MAPK8IP1: variants seen among roughly 807,000 people sequenced by gnomAD.
MAPK8IP1 encodes the protein mitogen-activated protein kinase 8 interacting protein 1.
A neutral mutation model predicts 72.6 loss-of-function variants in MAPK8IP1; 17 were observed. That is an observed-to-expected ratio of 0.23 (90% CI 0.16 to 0.35). The LOEUF is 0.35. Among genes scored for constraint, MAPK8IP1 ranks in the 10% least tolerant of loss-of-function variants. The probability of loss-of-function intolerance (pLI) is 1.00; values close to 1 mark genes in which losing one functional copy is unlikely to be tolerated. For synonymous variants in MAPK8IP1, 401 were observed against 443.4 expected, an observed-to-expected ratio of 0.90 and a Z score of 1.20; for missense variants, 789 against 1,009.7, an observed-to-expected ratio of 0.78 and a Z score of 2.96.
Position 45,900,076 on chromosome 11 carries a change from G to T in MAPK8IP1, c.208-62G>T. 9.4e-7 allele frequency: 1 copy of T among 1,060,498 alleles called. No homozygotes were observed. Among genetic ancestry groups the T allele is most frequent in the East Asian group, 4.3e-5 (1 of 23,220 alleles). The allele number at this position is 1,060,498 out of a possible 1,614,324, so 65.7% of individuals were successfully genotyped here. On this transcript the variant is annotated intron_variant, in intron 2 of 11. Transcript: ENST00000241014. The surrounding 1 kb of genome is among the most constrained non-coding windows in gnomAD (Gnocchi z 6.5). ...AATGGACTCGCCCGGGCGGGGGGCG[G>T]TGCAAGCGGCCTCGGCCCCGCCCCG...
rs779225118 is a variant in MAPK8IP1 at position 45,898,097 on chromosome 11, C to T, written c.114C>T (p.Asp38=). 1 of 1,611,898 alleles carries T rather than the reference C, an allele frequency of 6.2e-7. No homozygotes were observed. The highest frequency in any genetic ancestry group is 1.7e-5 in the Admixed American group (1 of 60,006). The part of the protein sequence containing the change: ...ASPPNFRLTH[D]ISLEEFEDED... Reference sequence around the variant, plus strand: ...CTGTCCCCACCAGGCTCACCCATGACATCAGCCTGGAGGAGTTTGAGGATG... The same window carrying T: ...CTGTCCCCACCAGGCTCACCCATGATATCAGCCTGGAGGAGTTTGAGGATG... Residue 38 remains aspartate (D), a synonymous_variant, in exon 2 of 12, where the codon GAC becomes GAT. Transcript: ENST00000241014.
chr11:45,897,068 T>A (rs960195473), intron 1 of MAPK8IP1: 2 of 1,089,406 alleles, frequency 1.8e-6, no homozygotes, highest in Non-Finnish European at 2.7e-6. Flanking sequence ...TAGGTTCCCC[T>A]GGGGGCTAAG....
At position 45,905,743 on chromosome 11, in the gene MAPK8IP1, G is replaced by A. The variant is rs529864272; in HGVS notation, c.*22G>A. On this transcript the variant is annotated 3_prime_UTR_variant, in exon 12 of 12. Transcript: ENST00000241014. ...GTAGCTGTGCAGCCCCGCCCTCTGC[G>A]TCCCCCAGCCCTCAGGCCAGTGCCA... The A allele has an allele frequency of 5.7e-5, 92 of 1,609,682 alleles. No homozygotes were observed. In the South Asian group the frequency reaches 6.4e-4, roughly 11 times the overall value.
At position 45,905,572 on chromosome 11, in the gene MAPK8IP1, G is replaced by A. The variant is rs564581444; in HGVS notation, c.2064-77G>A. 6 of 1,355,080 alleles carry A rather than the reference G, an allele frequency of 4.4e-6. No individual in the cohort carries two copies. The East Asian group carries it at 1.1e-4, about 26-fold the overall frequency. 83.9% of individuals were successfully genotyped at this position (1,355,080 alleles called of 1,614,324 possible). A position where few individuals can be genotyped will look rare whatever the true frequency, so the allele number is the denominator to read the frequency against. On this transcript the variant is annotated intron_variant, in intron 11 of 11. Transcript: ENST00000241014. ...GCACTTGGGCCCCAAGGCTCCAGCG[G>A]GAAAACCCTGGGTCGGGATCCTGTT...
At chr11:45,888,250 C>T (rs928803202) in intron 1 of MAPK8IP1, among the ~76,000 whole-genome samples, 3 of 152,228 alleles carry the variant, frequency 2.0e-5, no homozygotes, top group African/African-American at 7.2e-5. Context: ...TTGGTATCCC[C>T]ATTGCTCAGC....
chr11:45,895,681 A>T (rs2086600144), intron 1 of MAPK8IP1, among the ~76,000 whole-genome samples: 1 of 149,488 alleles, frequency 6.7e-6, no homozygotes. Context: ...TCACTGGCAG[A>T]GCAGGGGCAT....
Position 45,902,642 on chromosome 11 carries a change from C to G in MAPK8IP1, c.875C>G (p.Ala292Gly). The change falls in exon 5 of 12, where the codon GCT becomes GGT. Residue 292 changes from alanine (A) to glycine (G), a missense_variant. Ala to Gly is a moderately conservative substitution (Grantham distance 60). Coordinates refer to ENST00000241014, the MANE Select transcript of MAPK8IP1 (RefSeq NM_005456.4). This position sits in a 1 kb window ranked among gnomAD's most constrained non-coding sequence, Gnocchi z 9.3. ...ACCCCAGTGCAGAGGCCCCCAGACG[C>G]TGCAGAGCCCACCTCCGCCTTCCTG... is the stretch of plus-strand genomic sequence containing the variant. ...YLTPVQRPPD[A>G]AEPTSAFLPP... 1.9e-6 allele frequency: 3 copies of G among 1,612,974 alleles called. No individual in the cohort carries two copies. Among genetic ancestry groups the G allele is most frequent in the Non-Finnish European group, 2.5e-6 (3 of 1,179,940 alleles).
chr11:45,903,563 G>A lies in MAPK8IP1; in HGVS notation c.1493+123G>A, dbSNP rs2086675915. Reference sequence around the variant, plus strand: ...CCATCAGCCTTCATTTATCCACTCAGCCCTGGGAGGACAGTGTCCACTCTC... The same window carrying A: ...CCATCAGCCTTCATTTATCCACTCAACCCTGGGAGGACAGTGTCCACTCTC... On this transcript the variant is annotated intron_variant, in intron 6 of 11. Coordinates refer to ENST00000241014, the MANE Select transcript of MAPK8IP1 (RefSeq NM_005456.4). This position sits in a 1 kb window ranked among gnomAD's most constrained non-coding sequence, Gnocchi z 6.4. 9.6e-6 allele frequency: 8 copies of A among 831,704 alleles called. No homozygotes were observed. In the East Asian group the frequency reaches 2.1e-4, roughly 22 times the overall value. The allele number at this position is 831,704 out of a possible 1,614,324, so 51.5% of individuals were successfully genotyped here. A position where few individuals can be genotyped will look rare whatever the true frequency, so the allele number is the denominator to read the frequency against.
rs564294379 is a variant in MAPK8IP1 at position 45,902,797 on chromosome 11, C to A, written c.1030C>A (p.Arg344=). Residue 344 remains arginine (R), a synonymous_variant, in exon 5 of 12, where the codon CGG becomes AGG. Coordinates refer to ENST00000241014, the MANE Select transcript of MAPK8IP1 (RefSeq NM_005456.4). This position sits in a 1 kb window ranked among gnomAD's most constrained non-coding sequence, Gnocchi z 9.3. ...EGFDCLSSPE[R]AEPPGGGWRG... Reference sequence around the variant, plus strand: ...CTTCGACTGCCTGTCGTCCCCAGAGCGGGCTGAGCCCCCAGGCGGAGGGTG... The same window carrying A: ...CTTCGACTGCCTGTCGTCCCCAGAGAGGGCTGAGCCCCCAGGCGGAGGGTG... The A allele has an allele frequency of 1.9e-6, 3 of 1,588,382 alleles. No individual in the cohort carries two copies. The highest frequency in any genetic ancestry group is 2.6e-6 in the Non-Finnish European group (3 of 1,170,334).
chr11:45,896,214 C>T (rs1239783802), intron 1 of MAPK8IP1, among the ~76,000 whole-genome samples: 3 of 152,250 alleles, frequency 2.0e-5, no homozygotes, highest in Admixed American at 6.5e-5. Flanking sequence ...CTTCCTGGGT[C>T]CTGAAGGCTC....
intron 1 of MAPK8IP1, among the ~76,000 whole-genome samples, chr11:45,893,208 A>G (rs1338851803): frequency 3.3e-5 from 5 of 151,660 alleles, no homozygotes; most frequent in Non-Finnish European, 7.3e-5. Flanking sequence ...TTTGCTTTAC[A>G]TACACTTCTA....
Position 45,902,180 on chromosome 11 carries a change from C to A in MAPK8IP1, c.604+119C>A, listed in dbSNP as rs562524501. The A allele has an allele frequency of 1.0e-4, 109 of 1,056,404 alleles. No individual in the cohort carries two copies. The East Asian group carries it at 2.2e-3, about 21-fold the overall frequency. 65.4% of individuals were successfully genotyped at this position (1,056,404 alleles called of 1,614,324 possible). The stretch of plus-strand genomic sequence containing the variant: ...GTAGAGGTGAACTGCCCACCCACAT[C>A]CCTGCACGAGCCCATCCAGGGGCTG... On this transcript the variant is annotated intron_variant, in intron 4 of 11. Transcript: ENST00000241014. The surrounding 1 kb of genome is among the most constrained non-coding windows in gnomAD (Gnocchi z 9.3).
chr11:45,904,318 G>A lies in MAPK8IP1; in HGVS notation c.1667-137G>A. 8.5e-7 allele frequency: 1 copy of A among 1,182,084 alleles called. No individual in the cohort carries two copies. Among genetic ancestry groups the A allele is most frequent in the Admixed American group, 2.0e-5 (1 of 50,806 alleles). 73.2% of individuals were successfully genotyped at this position (1,182,084 alleles called of 1,614,324 possible). A position where few individuals can be genotyped will look rare whatever the true frequency, so the allele number is the denominator to read the frequency against. On this transcript the variant is annotated intron_variant, in intron 7 of 11. Coordinates refer to ENST00000241014, the MANE Select transcript of MAPK8IP1 (RefSeq NM_005456.4). This position sits in a 1 kb window ranked among gnomAD's most constrained non-coding sequence, Gnocchi z 6.4. ...TCACGATCAAGCAAAGTGAGGCCCG[G>A]CCAAGTTGGGCAGCCAGGGATTGTG... is the stretch of plus-strand genomic sequence containing the variant.
In MAPK8IP1 at chr11:45,903,491, C is replaced by G; in HGVS notation, c.1493+51C>G. 4 of 1,494,056 alleles carry G rather than the reference C, an allele frequency of 2.7e-6. No individual in the cohort carries two copies. Among genetic ancestry groups the G allele is most frequent in the Non-Finnish European group, 3.7e-6 (4 of 1,089,514 alleles). The allele number at this position is 1,494,056 out of a possible 1,614,324, so 92.5% of individuals were successfully genotyped here. ...TAGCCAGGCAGCAGTTTGGGCCACACACCACCCTCTACTTGTCACCCCTAC... is the reference window on the plus strand; with the variant it reads ...TAGCCAGGCAGCAGTTTGGGCCACAGACCACCCTCTACTTGTCACCCCTAC... On this transcript the variant is annotated intron_variant, in intron 6 of 11. Coordinates refer to ENST00000241014, the MANE Select transcript of MAPK8IP1 (RefSeq NM_005456.4). This position sits in a 1 kb window ranked among gnomAD's most constrained non-coding sequence, Gnocchi z 6.4.
intron 1 of MAPK8IP1, among the ~76,000 whole-genome samples, chr11:45,888,365 C>T (rs1214142423): frequency 6.6e-6 from 1 of 152,192 alleles, no homozygotes; most frequent in Non-Finnish European, 1.5e-5. Context: ...GTATTTACTC[C>T]TCCCAATAAC....
In MAPK8IP1 at chr11:45,903,490, A is replaced by G; in HGVS notation, c.1493+50A>G. On this transcript the variant is annotated intron_variant, in intron 6 of 11. Transcript: ENST00000241014. This position sits in a 1 kb window ranked among gnomAD's most constrained non-coding sequence, Gnocchi z 6.4. ...CTAGCCAGGCAGCAGTTTGGGCCAC[A>G]CACCACCCTCTACTTGTCACCCCTA... is the stretch of plus-strand genomic sequence containing the variant. The G allele has an allele frequency of 6.0e-6, 9 of 1,501,648 alleles. No individual in the cohort carries two copies. The highest frequency in any genetic ancestry group is 8.2e-6 in the Non-Finnish European group (9 of 1,095,992). The allele number at this position is 1,501,648 out of a possible 1,614,324, so 93.0% of individuals were successfully genotyped here.
chr11:45,886,925 C>G (rs540636014), intron 1 of MAPK8IP1, among the ~76,000 whole-genome samples: 1 of 152,188 alleles, frequency 6.6e-6, no homozygotes, highest in South Asian at 2.1e-4. Context: ...GTCACTGGCT[C>G]CCAGGTCCTC....
chr11:45,896,829 T>C lies in MAPK8IP1; in HGVS notation c.102-1256T>C, dbSNP rs2086610140. Reference sequence around the variant, plus strand: ...CCTGGCCCCCCCACCCTTCCGGGCATGAGAGGGCAGCCCTGGGGCCCCGCA... The same window carrying C: ...CCTGGCCCCCCCACCCTTCCGGGCACGAGAGGGCAGCCCTGGGGCCCCGCA... On this transcript the variant is annotated intron_variant, in intron 1 of 11. Transcript: ENST00000241014. 1.5e-5 allele frequency: 23 copies of C among 1,544,956 alleles called. No individual in the cohort carries two copies. The Middle Eastern group carries it at 6.9e-4, about 46-fold the overall frequency.
At chr11:45,901,551 A>ATC (rs763573312) in intron 3 of MAPK8IP1, among the ~76,000 whole-genome samples, 4 of 152,102 alleles carry the variant, frequency 2.6e-5, no homozygotes, top group Non-Finnish European at 4.4e-5. Flanking sequence ...GCTCCAGAGC[A>ATC]GAGAGTCACC....
Sources: gnomAD v4.1 joint callset for allele counts (sites outside exome capture counted in the v4.1 genomes callset) on GRCh38, gnomAD v4.1.1 for gene constraint, Gnocchi (gnomAD v3.1) non-coding constraint, MANE v1.5 for transcripts, NCBI Gene and HGNC (gene_info 2026-07-23, HGNC 2026-07-21) for gene names.